The following KIAA0232 variants were observed in gnomAD, a reference collection of about 807,000 sequenced individuals.
The protein encoded by KIAA0232 is KIAA0232.
KIAA0232 carries 27 observed loss-of-function variants against 122.0 expected under a neutral mutation model. That is an observed-to-expected ratio of 0.22 (90% CI 0.16 to 0.31). The LOEUF is 0.31. KIAA0232 is among the 10% of genes least tolerant of loss of function. The probability of loss-of-function intolerance (pLI) is 1.00; values close to 1 mark genes in which losing one functional copy is unlikely to be tolerated. For missense variants in KIAA0232, 1,551 were observed against 1,634.2 expected (o/e 0.95, Z 0.88); for synonymous variants, 613 against 587.6 (o/e 1.04, Z -0.63).
chr4:6,876,677 A>C lies in KIAA0232; in HGVS notation c.3928A>C (p.Lys1310Gln), dbSNP rs1227894608. The C allele has an allele frequency of 1.2e-6, 2 of 1,610,964 alleles. No homozygotes were observed. The highest frequency in any genetic ancestry group is 1.7e-6 in the Non-Finnish European group (2 of 1,177,234). Reference sequence around the variant, plus strand: ...TGATTAAGAATGTTACACAAATGCCAAGGGAGAGAGTGGTTTAGAAGAATA... The same window carrying C: ...TGATTAAGAATGTTACACAAATGCCCAGGGAGAGAGTGGTTTAGAAGAATA... ...SECEECYTNAKGESGLEEYPD... is the reference protein window; with the variant it reads ...SECEECYTNAQGESGLEEYPD... Residue 1310 changes from lysine to glutamine, a missense_variant, in exon 9 of 10, where the codon AAG becomes CAG. This residue lies in a region of KIAA0232 where 1,108 missense variants were observed against 1,154.8 expected (regional missense o/e 0.96). Transcript: ENST00000307659.
intron 9 of KIAA0232, among the ~76,000 whole-genome samples, chr4:6,877,810 C>T (rs1283059896): frequency 6.6e-6 from 1 of 152,174 alleles, no homozygotes; most frequent in Non-Finnish European, 1.5e-5. Flanking sequence ...CCTTTGGCAA[C>T]ACCCCCACAG....
intron 8 of KIAA0232, among the ~76,000 whole-genome samples, chr4:6,874,555 G>A (rs540499446): frequency 5.5e-4 from 83 of 152,272 alleles, no homozygotes; most frequent in African/African-American, 1.7e-3. Context: ...TTCAAGACTC[G>A]AGTAATGTAA....
intron 4 of KIAA0232, among the ~76,000 whole-genome samples, chr4:6,844,040 T>C (rs953505637): frequency 2.8e-5 from 4 of 142,534 alleles, no homozygotes; most frequent in South Asian, 2.4e-4. Context: ...CCTGGGTTCA[T>C]GCCATTCTTC....
At chr4:6,809,198 T>C (rs1315320385) in intron 2 of KIAA0232, among the ~76,000 whole-genome samples, 1 of 152,254 alleles carries the variant, frequency 6.6e-6, no homozygotes, top group Non-Finnish European at 1.5e-5. Flanking sequence ...TGTCTGTGTT[T>C]ACCAGAATGC....
intron 8 of KIAA0232, among the ~76,000 whole-genome samples, chr4:6,871,941 C>T (rs1201454284): frequency 6.6e-6 from 1 of 152,160 alleles, no homozygotes; most frequent in Non-Finnish European, 1.5e-5. Flanking sequence ...TATAAGCCAC[C>T]ACTGAGTCAC....
chr4:6,842,293 TGGGA>T, intron 4 of KIAA0232, 89 bp downstream of exon 4: 1 of 1,320,892 alleles, frequency 7.6e-7, no homozygotes, highest in Non-Finnish European at 1.0e-6. Context: ...CTCCAAAAAC[TGGGA>T]AAACAAAGTA....
intron 3 of KIAA0232, among the ~76,000 whole-genome samples, chr4:6,828,584 G>A (rs1225774047): frequency 6.6e-6 from 1 of 152,062 alleles, no homozygotes; most frequent in Non-Finnish European, 1.5e-5. Flanking sequence ...TCAAATCAGG[G>A]TATTTGAGTT....
chr4:6,871,518 C>G (rs1721483090), intron 7 of KIAA0232, 56 bp from the exon 8 acceptor site: 2 of 983,916 alleles, frequency 2.0e-6, no homozygotes, highest in East Asian at 2.4e-5. Flanking sequence ...CTTGAATATT[C>G]TTCCTCTAAC....
intron 7 of KIAA0232, among the ~76,000 whole-genome samples, chr4:6,867,176 A>G (rs367827318): frequency 2.0e-5 from 3 of 152,220 alleles, no homozygotes; most frequent in African/African-American, 7.2e-5. Context: ...TTTATGTTTT[A>G]GGGCATTTGA....
At chr4:6,874,881 C>T (rs1259113439) in intron 8 of KIAA0232, among the ~76,000 whole-genome samples, 1 of 152,118 alleles carries the variant, frequency 6.6e-6, no homozygotes, top group African/African-American at 2.4e-5. Context: ...TTCCAAATAC[C>T]CTGTGGCACA....
intron 3 of KIAA0232, among the ~76,000 whole-genome samples, chr4:6,837,904 CAAAGGGG>C (rs56664335): frequency 0.14 from 20,484 of 149,196 alleles, 1,633 homozygotes; most frequent in Middle Eastern, 0.19. Flanking sequence ...GGAGACCGTG[CAAAGGGG>C]AGAGGGGGAG....
intron 9 of KIAA0232, among the ~76,000 whole-genome samples, chr4:6,878,379 T>TACATA (rs1721864096): frequency 2.7e-5 from 4 of 149,198 alleles, no homozygotes; most frequent in Non-Finnish European, 4.4e-5. Context: ...CATCATTCAT[T>TACATA]CATACATACA....
At chr4:6,872,629 T>C (rs2108834874) in intron 8 of KIAA0232, among the ~76,000 whole-genome samples, 1 of 152,370 alleles carries the variant, frequency 6.6e-6, no homozygotes, top group Non-Finnish European at 1.5e-5. Context: ...CCTGGGCTTC[T>C]ATTGGCTACC....
At chr4:6,837,258 C>G (rs917736165) in intron 3 of KIAA0232, among the ~76,000 whole-genome samples, 1 of 151,256 alleles carries the variant, frequency 6.6e-6, no homozygotes, top group African/African-American at 2.4e-5. Flanking sequence ...ACAGACGCTC[C>G]TCACCTCCCA....
chr4:6,843,927 C>CTTT (rs373793407), intron 4 of KIAA0232, among the ~76,000 whole-genome samples: 1,619 of 46,416 alleles, frequency 0.035, 275 homozygotes, highest in Non-Finnish European at 0.047. Flanking sequence ...AGTTACCCAT[C>CTTT]TTTTTTTTTT....
rs1236192372 is a variant in KIAA0232, at chr4:6,861,704, T to C, written c.1322T>C (p.Leu441Ser). The C allele has an allele frequency of 1.2e-6, 2 of 1,614,012 alleles. No homozygotes were observed. Among genetic ancestry groups the C allele is most frequent in the African/African-American group, 2.7e-5 (2 of 74,918 alleles). Residue 441 changes from leucine (L) to serine (S), a missense_variant, in exon 7 of 10, where the codon TTG becomes TCG. Physicochemically the swap from Leu to Ser is moderately radical, Grantham distance 145 (BLOSUM62 -2). Around this residue, in one of 5 missense-constraint regions of KIAA0232, gnomAD observed 1,108 missense variants for 1,154.8 expected, o/e 0.96. Transcript: ENST00000307659. Reference sequence around the variant, plus strand: ...CTGACATCAGAGGCAGTGGAAGAATTGTCTGAATCAGTGCATGGTCTTTGT... The same window carrying C: ...CTGACATCAGAGGCAGTGGAAGAATCGTCTGAATCAGTGCATGGTCTTTGT... ...SDLTSEAVEE[L>S]SESVHGLCIS...
chr4:6,840,590 T>C (rs2109129324), intron 3 of KIAA0232, among the ~76,000 whole-genome samples: 1 of 152,302 alleles, frequency 6.6e-6, no homozygotes, highest in Non-Finnish European at 1.5e-5. Context: ...TACCTGATAA[T>C]AGACTCTCAT....
chr4:6,811,335 A>T (rs1717866580), intron 2 of KIAA0232, among the ~76,000 whole-genome samples: 1 of 152,360 alleles, frequency 6.6e-6, no homozygotes, highest in Non-Finnish European at 1.5e-5. Context: ...GGAAGTCATT[A>T]TCTTAAGTGA....
intron 4 of KIAA0232, among the ~76,000 whole-genome samples, chr4:6,856,369 C>T (rs1364988878): frequency 6.6e-6 from 1 of 151,966 alleles, no homozygotes; most frequent in East Asian, 1.9e-4. Flanking sequence ...TTTTTTTGTC[C>T]ACTGTAAAAA....
Sources: allele counts gnomAD v4.1 joint callset (sites outside exome capture counted in the v4.1 genomes callset), GRCh38; gene constraint gnomAD v4.1.1; regional missense constraint gnomAD v4.1.1; transcripts MANE v1.5; gene names NCBI Gene and HGNC (gene_info 2026-07-23, HGNC 2026-07-21).